The following MTMR6 variants were observed in gnomAD, a reference collection of about 807,000 sequenced individuals.
MTMR6 encodes the protein phosphatidylinositol-3,5-bisphosphate 3-phosphatase MTMR6.
Under a neutral mutation model 80.1 loss-of-function variants are expected in MTMR6, and 47 were observed. The ratio of observed to expected loss-of-function variants is 0.59; its 90% CI spans 0.46 to 0.75. The LOEUF is 0.75. Among genes scored for constraint, MTMR6 ranks in the 30% least tolerant of loss-of-function variants. The probability of loss-of-function intolerance (pLI) is 0.00; values close to 1 mark genes in which losing one functional copy is unlikely to be tolerated. For missense variants in MTMR6, 629 were observed against 730.9 expected, an observed-to-expected ratio of 0.86 and a Z score of 1.61; for synonymous variants, 254 against 253.0, an observed-to-expected ratio of 1.00 and a Z score of -0.04.
intron 9 of MTMR6, among the ~76,000 whole-genome samples, chr13:25,256,833 G>A (rs1270331417): frequency 1.3e-5 from 2 of 152,022 alleles, no homozygotes; most frequent in African/African-American, 4.8e-5. Context: ...ACATTTGTTA[G>A]ATAAAAATGA....
At chr13:25,277,665 A>G (rs1251501440) in intron 1 of MTMR6, among the ~76,000 whole-genome samples, 1 of 152,250 alleles carries the variant, frequency 6.6e-6, no homozygotes, top group African/African-American at 2.4e-5. Flanking sequence ...ATAAACCAGC[A>G]ACAAACTAAA....
intron 6 of MTMR6, among the ~76,000 whole-genome samples, chr13:25,259,746 C>T (rs559187898): frequency 1.3e-3 from 202 of 152,090 alleles, no homozygotes; most frequent in Non-Finnish European, 2.4e-3. Context: ...ATTACAATCG[C>T]CTTTTATATC....
intron 1 of MTMR6, among the ~76,000 whole-genome samples, chr13:25,278,814 G>A (rs1340027009): frequency 1.3e-5 from 2 of 151,940 alleles, no homozygotes; most frequent in South Asian, 2.1e-4. Flanking sequence ...GAACCCTGGA[G>A]GCAGAGGTTG....
chr13:25,249,025 C>T lies in MTMR6; in HGVS notation c.*207G>A. On this transcript the variant is annotated 3_prime_UTR_variant, in exon 14 of 14. Coordinates refer to ENST00000381801, the MANE Select transcript of MTMR6 (RefSeq NM_004685.5). ...TACATCAAATACCACTCATTTCTTA[C>T]AGAACTGAATGTCATTCCTTGCTGG... The T allele has an allele frequency of 3.5e-6, 2 of 567,748 alleles. No homozygotes were observed. Among genetic ancestry groups the T allele is most frequent in the Non-Finnish European group, 3.0e-6 (1 of 328,866 alleles). 35.2% of individuals were successfully genotyped at this position (567,748 alleles called of 1,614,324 possible).
chr13:25,248,235 G>A lies in MTMR6; in HGVS notation c.*997C>T, dbSNP rs1000802420. 2.0e-5 allele frequency: 3 copies of A among 151,994 alleles called. No homozygotes were observed. 9.4% of individuals were successfully genotyped at this position (151,994 alleles called of 1,614,324 possible). A position where few individuals can be genotyped will look rare whatever the true frequency, so the allele number is the denominator to read the frequency against. On this transcript the variant is annotated 3_prime_UTR_variant, in exon 14 of 14. Transcript: ENST00000381801. ...TTACCCAAAAGTTTTTGAGTAAACT[G>A]AAAGTTAGATACTCCAGGAACAGCA...
At chr13:25,275,784 C>T (rs1327102916) in intron 1 of MTMR6, among the ~76,000 whole-genome samples, 1 of 150,566 alleles carries the variant, frequency 6.6e-6, no homozygotes, top group South Asian at 2.1e-4. Context: ...TCACTTGAAT[C>T]TGGGGGTCAG....
intron 11 of MTMR6, among the ~76,000 whole-genome samples, chr13:25,252,798 A>G (rs1295483886): frequency 1.3e-5 from 2 of 152,210 alleles, no homozygotes; most frequent in East Asian, 3.8e-4. Context: ...ACATAGAGCT[A>G]AAGCCTCAAT....
intron 5 of MTMR6, among the ~76,000 whole-genome samples, chr13:25,264,753 C>CAAAAAAAA (rs769719876): frequency 9.0e-5 from 3 of 33,460 alleles, no homozygotes; most frequent in African/African-American, 1.8e-4. Flanking sequence ...AACTCCATCT[C>CAAAAAAAA]AAAAAAAAAA....
chr13:25,258,394 GT>G (rs1384609641), intron 7 of MTMR6, among the ~76,000 whole-genome samples, 165 bp downstream of exon 7: 1 of 151,938 alleles, frequency 6.6e-6, no homozygotes, highest in Non-Finnish European at 1.5e-5. Context: ...TTGACTACAT[GT>G]TAAAATAATG....
At position 25,251,185 on chromosome 13, in the gene MTMR6, T is replaced by A. The variant is rs370148685; in HGVS notation, c.1605+464A>T. On this transcript the variant is annotated intron_variant, in intron 13 of 13. Coordinates refer to ENST00000381801, the MANE Select transcript of MTMR6 (RefSeq NM_004685.5). This position sits in a 1 kb window ranked among gnomAD's most constrained non-coding sequence, Gnocchi z 4.1. ...GCATGCGCCACCATGCCCGGCTACT[T>A]TTTTGTTATTTTTTTAGTAGAGATG... Among the ~76,000 whole-genome samples the A allele has an allele frequency of 6.6e-6, 1 of 151,872 alleles. No individual in the cohort carries two copies. Among genetic ancestry groups the A allele is most frequent in the African/African-American group, 2.4e-5 (1 of 41,310 alleles).
At chr13:25,281,838 A>G (rs1399358107) in intron 1 of MTMR6, among the ~76,000 whole-genome samples, 3 of 152,224 alleles carry the variant, frequency 2.0e-5, no homozygotes, top group African/African-American at 7.2e-5. Context: ...AATTTCTAGA[A>G]CAGTGTCTGG....
chr13:25,251,684 T>G lies in MTMR6; in HGVS notation c.1570A>C (p.Lys524Gln). Reference protein sequence around the residue: ...NIIMNMNEQNKQLEKDIKDLE... With the variant: ...NIIMNMNEQNQQLEKDIKDLE... ...TCTTTAATATCTTTCTCTAATTGTT[T>G]ATTTTGCTCATTCATATTCATAATT... The change falls in exon 13 of 14, where the codon AAA becomes CAA. Residue 524 changes from lysine (K) to glutamine (Q), a missense_variant. Transcript: ENST00000381801. This position sits in a 1 kb window ranked among gnomAD's most constrained non-coding sequence, Gnocchi z 4.1. 6.5e-7 allele frequency: 1 copy of G among 1,538,020 alleles called. No homozygotes were observed. Among genetic ancestry groups the G allele is most frequent in the Non-Finnish European group, 8.9e-7 (1 of 1,118,824 alleles).
chr13:25,285,567 C>T (rs578097428), intron 1 of MTMR6, among the ~76,000 whole-genome samples: 2 of 151,378 alleles, frequency 1.3e-5, no homozygotes, highest in African/African-American at 4.8e-5. Context: ...CTGAGTCCCG[C>T]TCTATTGCCC....
chr13:25,257,951 A>G (rs7331633), intron 7 of MTMR6, 106 bp from the exon 8 acceptor site: 4 of 649,244 alleles, frequency 6.2e-6, no homozygotes, highest in Non-Finnish European at 1.0e-5. Context: ...GACAAAATAA[A>G]CAGGCAAGAC....
At chr13:25,284,837 C>T (rs572287581) in intron 1 of MTMR6, among the ~76,000 whole-genome samples, 46 of 152,186 alleles carry the variant, frequency 3.0e-4, no homozygotes, top group Non-Finnish European at 6.3e-4. Context: ...ACCCTGAGGT[C>T]CACCTCTATC....
chr13:25,247,189 A>C lies in MTMR6; in HGVS notation c.*2043T>G, dbSNP rs952194538. ...TGCTGTTATGTTAATGTAATGGGCAAGTCTACTTGCCTAGGTGAGAAGAAA... is the reference window on the plus strand; with the variant it reads ...TGCTGTTATGTTAATGTAATGGGCACGTCTACTTGCCTAGGTGAGAAGAAA... On this transcript the variant is annotated 3_prime_UTR_variant, in exon 14 of 14. Transcript: ENST00000381801. The C allele has an allele frequency of 3.9e-4, 59 of 152,464 alleles. No individual in the cohort carries two copies. Among genetic ancestry groups the C allele is most frequent in the African/African-American group, 1.4e-3 (57 of 41,444 alleles). 9.4% of individuals were successfully genotyped at this position (152,464 alleles called of 1,614,324 possible).
Position 25,266,135 on chromosome 13 carries a change from G to A in MTMR6, c.456C>T (p.Asp152=), listed in dbSNP as rs1183617594. The change falls in exon 4 of 14, where the codon GAC becomes GAT. Residue 152 remains aspartate, a synonymous_variant. Transcript: ENST00000381801. ...SHWQLSDANR[D]YKICETYPRE... ...CAAAATGTTGTTAAGGTACCTTGTA[G>A]TCCCGGTTGGCATCAGACAACTGCC... is the stretch of plus-strand genomic sequence containing the variant. The A allele has an allele frequency of 6.2e-7, 1 of 1,613,728 alleles. No homozygotes were observed. Among genetic ancestry groups the A allele is most frequent in the East Asian group, 2.2e-5 (1 of 44,878 alleles).
rs200041102 is a variant in MTMR6, at chr13:25,267,868, C to G, written c.215G>C (p.Cys72Ser). The G allele has an allele frequency of 6.2e-7, 1 of 1,613,622 alleles. No individual in the cohort carries two copies. Among genetic ancestry groups the G allele is most frequent in the Non-Finnish European group, 8.5e-7 (1 of 1,179,674 alleles). The change falls in exon 3 of 14, where the codon TGC (cysteine) becomes TCC (serine). Residue 72 changes from cysteine (C) to serine (S), a missense_variant. Cys to Ser is a moderately radical substitution (Grantham distance 112). Transcript: ENST00000381801. Reference protein sequence around the residue: ...TTSGCPLVIQCKNFRTVHFIV... With the variant: ...TTSGCPLVIQSKNFRTVHFIV... ...GAAATGCACAGTTCTGAAGTTCTTG[C>G]ACTGTATCACAAGGGGGCATCCAGA...
At chr13:25,279,554 C>T (rs1467592802) in intron 1 of MTMR6, among the ~76,000 whole-genome samples, 4 of 152,066 alleles carry the variant, frequency 2.6e-5, no homozygotes, top group Non-Finnish European at 5.9e-5. Flanking sequence ...TAAATATTTG[C>T]AAAACTACTG....
Sources: allele counts gnomAD v4.1 joint callset (sites outside exome capture counted in the v4.1 genomes callset), GRCh38; gene constraint gnomAD v4.1.1; non-coding constraint Gnocchi (gnomAD v3.1); transcripts MANE v1.5; gene names NCBI Gene and HGNC (gene_info 2026-07-23, HGNC 2026-07-21).